EYS: variants seen among roughly 807,000 people sequenced by gnomAD.
EYS encodes EGF-like photoreceptor maintenance factor.
EYS carries 250 observed loss-of-function variants against 282.1 expected under a neutral mutation model. That is an observed-to-expected ratio of 0.89 (90% CI 0.80 to 0.98). The LOEUF (loss-of-function observed/expected upper bound fraction) is 0.98, where lower values mean the gene tolerates loss of function less well. Ranked by LOEUF, EYS falls within the 50% of genes least tolerant of loss-of-function variation. The pLI is 0.00. For missense variants in EYS, 4,016 were observed against 3,709.0 expected (o/e 1.08, Z -2.15); for synonymous variants, 1,355 against 1,282.9 (o/e 1.06, Z -1.20).
At chr6:63,908,083 T>C (rs1038970841) in intron 35 of EYS, among the ~76,000 whole-genome samples, 40 of 149,218 alleles carry the variant, frequency 2.7e-4, no homozygotes, top group African/African-American at 9.6e-4. Context: ...TCTGTCTCAG[T>C]CTCTATCAAT....
At chr6:65,174,599 G>C (rs1200350795) in intron 12 of EYS, among the ~76,000 whole-genome samples, 1 of 151,182 alleles carries the variant, frequency 6.6e-6, no homozygotes, top group Non-Finnish European at 1.5e-5. Flanking sequence ...TGTCTTAAAA[G>C]ATTTTAGAAG....
intron 29 of EYS, among the ~76,000 whole-genome samples, chr6:64,357,098 A>G (rs779842759): frequency 6.6e-6 from 1 of 151,654 alleles, no homozygotes; most frequent in Non-Finnish European, 1.5e-5. Flanking sequence ...TCTTTGGACA[A>G]TTAATAAGTG....
At chr6:64,783,279 TTATCCTATATACA>T (rs1003334218) in intron 22 of EYS, among the ~76,000 whole-genome samples, 83 of 151,964 alleles carry the variant, frequency 5.5e-4, no homozygotes, top group African/African-American at 1.9e-3. Flanking sequence ...GAACTAAACC[TTATCCTATATACA>T]TATCCTATAT....
intron 29 of EYS, among the ~76,000 whole-genome samples, chr6:64,352,950 T>G (rs753987683): frequency 6.6e-6 from 1 of 151,582 alleles, no homozygotes; most frequent in Non-Finnish European, 1.5e-5. Flanking sequence ...TTCTCTATAA[T>G]TCATTCAACA....
chr6:64,970,447 C>T (rs1393037252), intron 14 of EYS, among the ~76,000 whole-genome samples: 1 of 152,106 alleles, frequency 6.6e-6, no homozygotes, highest in Non-Finnish European at 1.5e-5. Flanking sequence ...CTCTGCTCAC[C>T]TTGGCCTCCC....
chr6:65,560,052 G>C (rs1257380953), intron 2 of EYS, among the ~76,000 whole-genome samples: 2 of 149,848 alleles, frequency 1.3e-5, no homozygotes, highest in African/African-American at 4.9e-5. Flanking sequence ...TATTTATAAT[G>C]ATCAATGATC....
intron 15 of EYS, among the ~76,000 whole-genome samples, chr6:64,937,995 A>G (rs1424403312): frequency 1.3e-5 from 2 of 151,804 alleles, no homozygotes; most frequent in South Asian, 2.1e-4. Context: ...TGAAAATATT[A>G]TGCTAAGTCA....
intron 22 of EYS, among the ~76,000 whole-genome samples, chr6:64,700,104 C>A (rs1371804012): frequency 6.6e-6 from 1 of 151,744 alleles, no homozygotes; most frequent in African/African-American, 2.4e-5. Context: ...AATGTGATTC[C>A]CCACATAAAC....
intron 2 of EYS, among the ~76,000 whole-genome samples, chr6:65,516,748 T>C (rs932281025): frequency 1.3e-5 from 2 of 152,054 alleles, no homozygotes; most frequent in African/African-American, 2.4e-5. Context: ...ATGCCTGGTA[T>C]TACTAACTCT....
At chr6:63,901,648 G>C (rs1773661859) in intron 35 of EYS, among the ~76,000 whole-genome samples, 1 of 152,100 alleles carries the variant, frequency 6.6e-6, no homozygotes, top group Admixed American at 6.5e-5. Flanking sequence ...TTCAAATATA[G>C]GGAACAAATA....
intron 15 of EYS, among the ~76,000 whole-genome samples, chr6:64,914,122 T>G (rs2150077673): frequency 6.6e-6 from 1 of 152,076 alleles, no homozygotes; most frequent in Middle Eastern, 3.4e-3. Flanking sequence ...GGGGAAAGGG[T>G]TTTACACACA....
At chr6:65,613,475 C>A (rs528773376) in intron 2 of EYS, among the ~76,000 whole-genome samples, 1 of 151,724 alleles carries the variant, frequency 6.6e-6, no homozygotes, top group South Asian at 2.1e-4. Context: ...GTCTGGTACA[C>A]TGGGTAAGAT....
intron 2 of EYS, among the ~76,000 whole-genome samples, chr6:65,620,764 A>C (rs1399313732): frequency 2.0e-5 from 3 of 151,404 alleles, no homozygotes; most frequent in Admixed American, 1.3e-4. Flanking sequence ...CTTTGTTCTC[A>C]TTGGTTTCAA....
intron 2 of EYS, among the ~76,000 whole-genome samples, chr6:65,561,531 G>T (rs974848980): frequency 1.3e-5 from 2 of 151,990 alleles, no homozygotes; most frequent in Non-Finnish European, 2.9e-5. Context: ...TCACATTCGT[G>T]TGTCTCATTT....
At chr6:65,574,183 T>G (rs1764577817) in intron 2 of EYS, among the ~76,000 whole-genome samples, 1 of 152,162 alleles carries the variant, frequency 6.6e-6, no homozygotes, top group African/African-American at 2.4e-5. Context: ...CAGACATCGG[T>G]GCCACTGGCA....
At position 65,105,392 on chromosome 6, in the gene EYS, G is replaced by A. The variant is rs557163081; in HGVS notation, c.2024-47665C>T. ...AAACAATCTATAATCATAATGTAGT[G>A]GTTATATCATTATATACACACACGT... On this transcript the variant is annotated intron_variant, in intron 12 of 42. Transcript: ENST00000503581. Among the ~76,000 whole-genome samples the A allele has an allele frequency of 1.5e-3, 220 of 151,618 alleles. 1 individual carries two copies. Among genetic ancestry groups the A allele is most frequent in the African/African-American group, 4.9e-3 (203 of 41,406 alleles).
intron 28 of EYS, among the ~76,000 whole-genome samples, chr6:64,434,076 G>T (rs566926578): frequency 8.5e-5 from 13 of 152,082 alleles, no homozygotes; most frequent in African/African-American, 3.1e-4. Context: ...GCTAAAATGA[G>T]GTCATTATGG....
At chr6:64,508,493 A>C (rs1777280739) in intron 26 of EYS, among the ~76,000 whole-genome samples, 1 of 151,350 alleles carries the variant, frequency 6.6e-6, no homozygotes, top group Non-Finnish European at 1.5e-5. Flanking sequence ...CCCTAAGATC[A>C]TATGACTAAG....
At chr6:64,921,305 C>T (rs1032926601) in intron 15 of EYS, among the ~76,000 whole-genome samples, 1 of 151,856 alleles carries the variant, frequency 6.6e-6, no homozygotes, top group African/African-American at 2.4e-5. Context: ...AATTATTAAC[C>T]CATTATTTTA....
Sources: gnomAD v4.1 joint callset for allele counts (sites outside exome capture counted in the v4.1 genomes callset) on GRCh38, gnomAD v4.1.1 for gene constraint, MANE v1.5 for transcripts, NCBI Gene and HGNC (gene_info 2026-07-23, HGNC 2026-07-21) for gene names.